The following COL22A1 variants were observed in gnomAD, a reference collection of about 807,000 sequenced individuals.
The protein encoded by COL22A1 is collagen type XXII alpha 1 chain.
Under a neutral mutation model 248.9 loss-of-function variants are expected in COL22A1, and 221 were observed. The observed-to-expected ratio is 0.89, with a 90% CI of 0.80 to 0.99. The LOEUF is 0.99. Among genes scored for constraint, COL22A1 ranks in the 50% least tolerant of loss-of-function variants. The probability of loss-of-function intolerance (pLI) is 0.00; values close to 1 mark genes in which losing one functional copy is unlikely to be tolerated. For missense variants in COL22A1, 2,240 were observed against 2,179.0 expected, an observed-to-expected ratio of 1.03 and a Z score of -0.56; for synonymous variants, 891 against 793.4, an observed-to-expected ratio of 1.12 and a Z score of -2.07.
intron 43 of COL22A1, among the ~76,000 whole-genome samples, chr8:138,661,549 T>C (rs1823959211): frequency 6.6e-6 from 1 of 152,190 alleles, no homozygotes; most frequent in Non-Finnish European, 1.5e-5. Flanking sequence ...CAGAGATGGC[T>C]GAGCAAAGGC....
chr8:138,742,646 G>A (rs1472285201), intron 22 of COL22A1, among the ~76,000 whole-genome samples: 32 of 151,370 alleles, frequency 2.1e-4, no homozygotes, highest in Admixed American at 6.6e-4. Flanking sequence ...GATGGTGATG[G>A]TGGAGTTGAT....
intron 15 of COL22A1, among the ~76,000 whole-genome samples, chr8:138,776,640 C>G (rs965514683): frequency 3.3e-5 from 5 of 151,932 alleles, no homozygotes; most frequent in African/African-American, 1.2e-4. Flanking sequence ...CCCACCCCAT[C>G]ATCCAGGGTC....
intron 1 of COL22A1, among the ~76,000 whole-genome samples, chr8:138,885,015 C>T (rs921486060): frequency 2.4e-4 from 22 of 93,442 alleles, no homozygotes; most frequent in East Asian, 8.6e-4. Flanking sequence ...TGTGTGTGCA[C>T]GCACACACAC....
chr8:138,737,399 C>G, intron 23 of COL22A1, 125 bp downstream of exon 23: 32 of 707,636 alleles, frequency 4.5e-5, no homozygotes, highest in Non-Finnish European at 4.3e-5. Flanking sequence ...ACTGGCTGTT[C>G]TTTTTAATAG....
chr8:138,882,583 CTG>C (rs1824307921), intron 2 of COL22A1, among the ~76,000 whole-genome samples: 2 of 143,638 alleles, frequency 1.4e-5, no homozygotes, highest in African/African-American at 2.6e-5. Context: ...CTCCCACACA[CTG>C]TCAAACTCAC....
chr8:138,822,033 T>TTTTTG (rs71316364), intron 6 of COL22A1, among the ~76,000 whole-genome samples: 97,452 of 150,092 alleles, frequency 0.65, 35,899 homozygotes, highest in Non-Finnish European at 0.82. Flanking sequence ...TACTTCCGAT[T>TTTTTG]TTTTGTTTTG....
At chr8:138,705,720 C>T (rs147458126) in intron 30 of COL22A1, among the ~76,000 whole-genome samples, 1 of 152,184 alleles carries the variant, frequency 6.6e-6, no homozygotes, top group Non-Finnish European at 1.5e-5. Flanking sequence ...GAAACTGCAT[C>T]AACTAATGAG....
rs1013663362 is a variant in COL22A1 at position 138,598,865 on chromosome 8, G to A, written c.4219C>T (p.Pro1407Ser). 1.2e-6 allele frequency: 2 copies of A among 1,614,038 alleles called. No individual in the cohort carries two copies. Among genetic ancestry groups the A allele is most frequent in the African/African-American group, 1.3e-5 (1 of 74,926 alleles). ...DPGIKGDKGP[P>S]GGKGQPGDPG... ...TCCCCAGGCTGGCCTTTTCCACCAG[G>A]AGGTCCTTTGTCACCTTTGATCCCA... is the stretch of plus-strand genomic sequence containing the variant. The change falls in exon 61 of 65, where the codon CCT (proline) becomes TCT (serine). Residue 1407 changes from proline (P) to serine (S), a missense_variant. Transcript: ENST00000303045.
chr8:138,689,076 A>G, intron 36 of COL22A1, 106 bp from the exon 37 acceptor site: 2 of 857,402 alleles, frequency 2.3e-6, no homozygotes, highest in Non-Finnish European at 4.0e-6. Context: ...GAAGTCAACG[A>G]CTACAGCTCC....
intron 60 of COL22A1, among the ~76,000 whole-genome samples, chr8:138,600,257 A>G (rs1437329559): frequency 1.3e-5 from 2 of 152,214 alleles, no homozygotes; most frequent in East Asian, 1.9e-4. Flanking sequence ...GGCCTCAGAG[A>G]TAATGGAACT....
At chr8:138,889,831 T>A (rs1484055995) in intron 1 of COL22A1, among the ~76,000 whole-genome samples, 1 of 152,194 alleles carries the variant, frequency 6.6e-6, no homozygotes, top group Non-Finnish European at 1.5e-5. Context: ...TCTAGAAATT[T>A]GATAATTTCC....
At chr8:138,630,838 G>A (rs1395445750) in intron 49 of COL22A1, 90 bp from the exon 50 acceptor site, 1 of 1,154,010 alleles carries the variant, frequency 8.7e-7, no homozygotes, top group Non-Finnish European at 1.3e-6. Context: ...CAATTGATAT[G>A]GTTGGTTATC....
At chr8:138,719,276 A>C (rs763387449) in intron 27 of COL22A1, among the ~76,000 whole-genome samples, 12 of 152,202 alleles carry the variant, frequency 7.9e-5, no homozygotes, top group Middle Eastern at 3.2e-3. Flanking sequence ...AGCAAATTAC[A>C]TGACATCACA....
chr8:138,892,736 G>A (rs527501288), intron 1 of COL22A1, among the ~76,000 whole-genome samples: 2 of 152,350 alleles, frequency 1.3e-5, no homozygotes, highest in African/African-American at 2.4e-5. Context: ...CCCAGAGGAG[G>A]GGGGAGGAAG....
chr8:138,710,130 A>C (rs993737447), intron 30 of COL22A1, among the ~76,000 whole-genome samples: 13 of 152,348 alleles, frequency 8.5e-5, no homozygotes, highest in Middle Eastern at 3.4e-3. Flanking sequence ...TTTGCAGAAC[A>C]ATGATGCTGA....
At chr8:138,604,644 G>T in intron 59 of COL22A1, 90 bp downstream of exon 59, 3 of 1,038,208 alleles carry the variant, frequency 2.9e-6, no homozygotes, top group Non-Finnish European at 4.5e-6. Context: ...AGGCAAGTGT[G>T]GGCCCTTCTA....
intron 11 of COL22A1, among the ~76,000 whole-genome samples, chr8:138,797,219 T>A (rs1193889469): frequency 6.6e-6 from 1 of 152,212 alleles, no homozygotes; most frequent in African/African-American, 2.4e-5. Context: ...TTTTATCACC[T>A]CAGAAACAAC....
At chr8:138,910,099 C>G (rs139821315) in intron 1 of COL22A1, among the ~76,000 whole-genome samples, 1 of 152,180 alleles carries the variant, frequency 6.6e-6, no homozygotes, top group Admixed American at 6.5e-5. Context: ...AAGCAAGGAG[C>G]TGACTTTACT....
At chr8:138,651,079 C>G (rs1429695964) in intron 45 of COL22A1, among the ~76,000 whole-genome samples, 1 of 152,146 alleles carries the variant, frequency 6.6e-6, no homozygotes, top group Admixed American at 6.5e-5. Flanking sequence ...TTTTCCATCA[C>G]AAAAGCATCT....
Sources: allele counts gnomAD v4.1 joint callset (sites outside exome capture counted in the v4.1 genomes callset), GRCh38; gene constraint gnomAD v4.1.1; transcripts MANE v1.5; gene names NCBI Gene and HGNC (gene_info 2026-07-23, HGNC 2026-07-21).